NTM: variants seen among roughly 807,000 people sequenced by gnomAD.
NTM encodes the protein IgLON family member 2.
NTM carries 13 observed loss-of-function variants against 42.1 expected under a neutral mutation model. The observed-to-expected ratio is 0.31, with a 90% CI of 0.20 to 0.49. The LOEUF is 0.49. Among genes scored for constraint, NTM ranks in the 20% least tolerant of loss-of-function variants. The pLI is 0.99. For synonymous variants in NTM, 187 were observed against 179.2 expected (o/e 1.04, Z -0.35); for missense variants, 373 against 452.8 (o/e 0.82, Z 1.60).
At chr11:131,696,784 T>TGC (rs2075499544) in intron 1 of NTM, among the ~76,000 whole-genome samples, 1 of 130,480 alleles carries the variant, frequency 7.7e-6, no homozygotes, top group African/African-American at 4.5e-5. Flanking sequence ...CACCCACGCA[T>TGC]GCACACACAC....
chr11:132,291,977 CTG>C (rs2094462784), intron 4 of NTM, among the ~76,000 whole-genome samples: 1 of 152,060 alleles, frequency 6.6e-6, no homozygotes, highest in African/African-American at 2.4e-5. Flanking sequence ...AGAAGCTTGA[CTG>C]TGAAAAGAGG....
At chr11:132,109,294 A>G (rs574109839) in intron 2 of NTM, among the ~76,000 whole-genome samples, 14 of 152,230 alleles carry the variant, frequency 9.2e-5, no homozygotes, top group East Asian at 1.9e-4. Flanking sequence ...TCCACAATCA[A>G]TGAACTAATT....
At chr11:131,399,017 G>A (rs994883457) in intron 1 of NTM, among the ~76,000 whole-genome samples, 10 of 152,208 alleles carry the variant, frequency 6.6e-5, no homozygotes, top group African/African-American at 2.4e-4. Flanking sequence ...ATTAAACACA[G>A]CAGCATTCAT....
At chr11:131,816,117 T>G in intron 1 of NTM, among the ~76,000 whole-genome samples, 1 of 152,210 alleles carries the variant, frequency 6.6e-6, no homozygotes, top group African/African-American at 2.4e-5. Flanking sequence ...AAATTCTGCC[T>G]TTTTTGATTA....
At chr11:132,200,769 A>T (rs1008590249) in intron 3 of NTM, among the ~76,000 whole-genome samples, 8 of 151,880 alleles carry the variant, frequency 5.3e-5, no homozygotes, top group Non-Finnish European at 1.2e-4. Context: ...TATCTGGTTG[A>T]CCTCCATTTG....
At chr11:131,521,171 C>T (rs1184673763) in intron 1 of NTM, among the ~76,000 whole-genome samples, 2 of 151,166 alleles carry the variant, frequency 1.3e-5, no homozygotes, top group Non-Finnish European at 1.5e-5. Flanking sequence ...AAAAATAAGC[C>T]GGGCATGGTA....
intron 1 of NTM, among the ~76,000 whole-genome samples, chr11:131,869,217 G>A (rs1282867252): frequency 1.3e-5 from 2 of 151,956 alleles, no homozygotes; most frequent in Non-Finnish European, 2.9e-5. Flanking sequence ...TTATCTCCCG[G>A]GCCCTCTCCC....
chr11:132,254,853 C>T (rs934755396), intron 4 of NTM, among the ~76,000 whole-genome samples: 3 of 152,142 alleles, frequency 2.0e-5, no homozygotes, highest in South Asian at 2.1e-4. Flanking sequence ...TTTAGGCTGG[C>T]GAATTTCTTC....
At chr11:131,656,918 G>C (rs563077956) in intron 1 of NTM, among the ~76,000 whole-genome samples, 2 of 152,112 alleles carry the variant, frequency 1.3e-5, no homozygotes, top group African/African-American at 4.8e-5. Flanking sequence ...AAGTTTGACC[G>C]AGTCATCTGT....
At chr11:131,585,052 C>T (rs930586883) in intron 1 of NTM, among the ~76,000 whole-genome samples, 9 of 152,140 alleles carry the variant, frequency 5.9e-5, no homozygotes, top group Non-Finnish European at 1.2e-4. Flanking sequence ...AACCAAGGCA[C>T]AAATTAAGGC....
At chr11:131,879,482 C>T (rs2049130455) in intron 1 of NTM, among the ~76,000 whole-genome samples, 1 of 152,102 alleles carries the variant, frequency 6.6e-6, no homozygotes, top group Admixed American at 6.5e-5. Context: ...CTTCAACACT[C>T]TTACTTTTAA....
chr11:132,310,255 C>T, intron 6 of NTM, 23 bp downstream of exon 6: 2 of 1,553,946 alleles, frequency 1.3e-6, no homozygotes, highest in South Asian at 2.4e-5. Flanking sequence ...TCTTTCCTAT[C>T]CCACCCCTAC....
chr11:131,532,185 A>T (rs915871533), intron 1 of NTM, among the ~76,000 whole-genome samples: 3 of 152,084 alleles, frequency 2.0e-5, no homozygotes, highest in Admixed American at 1.3e-4. Context: ...AATTTTTTTT[A>T]AATCATCCCA....
At chr11:131,463,881 C>A (rs1424940936) in intron 1 of NTM, among the ~76,000 whole-genome samples, 1 of 152,230 alleles carries the variant, frequency 6.6e-6, no homozygotes, top group Non-Finnish European at 1.5e-5. Flanking sequence ...GAGGCGGCAG[C>A]CTGCCCTGGC....
intron 1 of NTM, among the ~76,000 whole-genome samples, chr11:131,527,471 T>C (rs1005751603): frequency 6.6e-6 from 1 of 152,222 alleles, no homozygotes; most frequent in Non-Finnish European, 1.5e-5. Flanking sequence ...ATTAGTTTCC[T>C]GGCATACTCT....
At chr11:131,659,531 C>A (rs1005595415) in intron 1 of NTM, among the ~76,000 whole-genome samples, 5 of 152,220 alleles carry the variant, frequency 3.3e-5, no homozygotes, top group African/African-American at 1.2e-4. Flanking sequence ...AATACCAACT[C>A]AATTGTATTT....
chr11:131,939,121 G>A (rs2059535071), intron 2 of NTM, among the ~76,000 whole-genome samples: 1 of 152,154 alleles, frequency 6.6e-6, no homozygotes, highest in Non-Finnish European at 1.5e-5. Context: ...AAGATAAGGA[G>A]AAATTGTAGC....
At chr11:131,478,853 C>T (rs961443872) in intron 1 of NTM, among the ~76,000 whole-genome samples, 19 of 152,222 alleles carry the variant, frequency 1.2e-4, no homozygotes, top group African/African-American at 3.9e-4. Context: ...AGTGCTTCTT[C>T]GCATAGCCCA....
chr11:131,889,673 C>T (rs2050959155), intron 1 of NTM, among the ~76,000 whole-genome samples: 1 of 152,126 alleles, frequency 6.6e-6, no homozygotes, highest in African/African-American at 2.4e-5. Context: ...GTCCTCACCG[C>T]CTGTCACTTA....
Sources: allele counts gnomAD v4.1 joint callset (sites outside exome capture counted in the v4.1 genomes callset), GRCh38; gene constraint gnomAD v4.1.1; transcripts MANE v1.5; gene names NCBI Gene and HGNC (gene_info 2026-07-23, HGNC 2026-07-21).